Variants in MGAT4C observed in about 807,000 individuals in gnomAD.
MGAT4C encodes the protein alpha-1,3-mannosyl-glycoprotein 4-beta-N-acetylglucosaminyltransferase C.
Under a neutral mutation model 40.1 loss-of-function variants are expected in MGAT4C, and 19 were observed. The ratio of observed to expected loss-of-function variants is 0.47; its 90% CI spans 0.33 to 0.70. The LOEUF is 0.70. MGAT4C is among the 30% of genes least tolerant of loss of function. The probability of loss-of-function intolerance (pLI) is 0.02; values close to 1 mark genes in which losing one functional copy is unlikely to be tolerated. For synonymous variants in MGAT4C, 181 were observed against 187.1 expected, an observed-to-expected ratio of 0.97 and a Z score of 0.27; for missense variants, 491 against 563.2, an observed-to-expected ratio of 0.87 and a Z score of 1.30.
chr12:86,062,066 C>T (rs571579536), intron 1 of MGAT4C, among the ~76,000 whole-genome samples: 6 of 152,246 alleles, frequency 3.9e-5, no homozygotes, highest in South Asian at 2.1e-4. Context: ...CTGACCCCCA[C>T]GTATCCTGAC....
At chr12:86,389,511 G>T (rs1230836610) in intron 3 of MGAT4C, among the ~76,000 whole-genome samples, 2 of 152,118 alleles carry the variant, frequency 1.3e-5, no homozygotes, top group Admixed American at 1.3e-4. Context: ...ACATATGTGT[G>T]CATGAGTCTT....
intron 1 of MGAT4C, among the ~76,000 whole-genome samples, chr12:86,167,427 A>G (rs1026569204): frequency 1.3e-5 from 2 of 152,194 alleles, no homozygotes; most frequent in Non-Finnish European, 2.9e-5. Flanking sequence ...AACTAAATAG[A>G]GAAAGCTTAA....
intron 3 of MGAT4C, among the ~76,000 whole-genome samples, chr12:86,410,909 G>A (rs1956590600): frequency 6.6e-6 from 1 of 152,110 alleles, no homozygotes. Flanking sequence ...CACAACACCT[G>A]GTTGTTTAAA....
intron 1 of MGAT4C, among the ~76,000 whole-genome samples, chr12:86,238,703 G>A (rs1196639899): frequency 6.6e-6 from 1 of 151,914 alleles, no homozygotes; most frequent in Non-Finnish European, 1.5e-5. Context: ...TACTTTTTCA[G>A]TCACAAGAGA....
At chr12:85,986,248 A>G (rs1885186298) in intron 3 of MGAT4C, among the ~76,000 whole-genome samples, 1 of 152,170 alleles carries the variant, frequency 6.6e-6, no homozygotes. Flanking sequence ...TTCTGTAGCT[A>G]CTATGCTGTA....
intron 1 of MGAT4C, among the ~76,000 whole-genome samples, chr12:86,077,731 T>C (rs974676325): frequency 2.0e-5 from 3 of 152,208 alleles, no homozygotes; most frequent in Admixed American, 6.5e-5. Flanking sequence ...GCTGTTGTAG[T>C]TTCCCATTGA....
rs77830545 is a variant in MGAT4C, at chr12:86,554,181, C to T, written c.-228-118916G>A. On this transcript the variant is annotated intron_variant, in intron 2 of 7. Transcript: ENST00000548651. ...ACACGTGTTCAGGCACTCTCATGTCCCTTTCTGTTAAGTATTTACATTTCT... is the reference window on the plus strand; with the variant it reads ...ACACGTGTTCAGGCACTCTCATGTCTCTTTCTGTTAAGTATTTACATTTCT... Among the ~76,000 whole-genome samples, 48 of 151,448 alleles carry T rather than the reference C, an allele frequency of 3.2e-4. 1 individual carries two copies. Among genetic ancestry groups the T allele is most frequent in the African/African-American group, 8.2e-4 (34 of 41,286 alleles).
intron 1 of MGAT4C, among the ~76,000 whole-genome samples, chr12:86,748,774 A>G (rs970007274): frequency 6.6e-6 from 1 of 151,664 alleles, no homozygotes; most frequent in Non-Finnish European, 1.5e-5. Context: ...AACATTTACA[A>G]AGCCATATCT....
chr12:86,220,769 T>C (rs927159040), intron 1 of MGAT4C, among the ~76,000 whole-genome samples: 12 of 152,216 alleles, frequency 7.9e-5, no homozygotes, highest in African/African-American at 2.9e-4. Context: ...CCATAACCAA[T>C]TGGAAACTGA....
intron 2 of MGAT4C, among the ~76,000 whole-genome samples, chr12:86,697,872 T>C (rs1187140020): frequency 1.3e-5 from 2 of 152,078 alleles, no homozygotes; most frequent in African/African-American, 4.8e-5. Context: ...ACTTATCACC[T>C]AAAATCACTT....
At chr12:86,767,834 T>G (rs1474512523) in intron 1 of MGAT4C, among the ~76,000 whole-genome samples, 1 of 152,130 alleles carries the variant, frequency 6.6e-6, no homozygotes, top group Non-Finnish European at 1.5e-5. Context: ...TGCTAAAAAC[T>G]CTCAGTAAAT....
chr12:86,066,003 G>A (rs1894503949), intron 1 of MGAT4C, among the ~76,000 whole-genome samples: 1 of 152,092 alleles, frequency 6.6e-6, no homozygotes, highest in Non-Finnish European at 1.5e-5. Context: ...AACTTACAAG[G>A]GATGTGAAAG....
chr12:86,451,550 G>A (rs1029858594), intron 2 of MGAT4C, among the ~76,000 whole-genome samples: 9 of 151,838 alleles, frequency 5.9e-5, no homozygotes, highest in African/African-American at 2.2e-4. Flanking sequence ...TTTGTACTTG[G>A]GATTCTTGTA....
At chr12:86,692,199 G>T (rs1950184313) in intron 2 of MGAT4C, among the ~76,000 whole-genome samples, 1 of 152,050 alleles carries the variant, frequency 6.6e-6, no homozygotes. Context: ...GAGAGAATGG[G>T]ACATAAGCAA....
intron 3 of MGAT4C, among the ~76,000 whole-genome samples, chr12:86,356,578 T>A (rs61950749): frequency 0.091 from 13,905 of 152,062 alleles, 797 homozygotes; most frequent in Middle Eastern, 0.22. Context: ...TAGCCAAGGG[T>A]AGCCGTGACA....
intron 3 of MGAT4C, among the ~76,000 whole-genome samples, chr12:86,361,349 A>G (rs1345448200): frequency 1.3e-5 from 2 of 152,250 alleles, no homozygotes; most frequent in African/African-American, 4.8e-5. Flanking sequence ...GATGGATTAA[A>G]GACTTAAATG....
chr12:86,805,993 A>G (rs1401353712), intron 1 of MGAT4C, among the ~76,000 whole-genome samples: 1 of 151,788 alleles, frequency 6.6e-6, no homozygotes, highest in East Asian at 1.9e-4. Context: ...TTTTTCATAA[A>G]TTTATTGGCC....
rs1021877873 is a variant in MGAT4C, at chr12:86,088,622, G to A, written c.-56-38899C>T. ...ATATACACAGAGCCAACAAGCATAT[G>A]GGAAAATGCTCAACATCCCTAAACA... On this transcript the variant is annotated intron_variant, in intron 1 of 4. Transcript: ENST00000611864. Among the ~76,000 whole-genome samples the A allele has an allele frequency of 2.6e-5, 4 of 152,084 alleles. No homozygotes were observed. The South Asian group carries it at 8.3e-4, about 32-fold the overall frequency.
In MGAT4C at chr12:86,834,637, C is replaced by CAT. The variant is rs398020454; in HGVS notation, c.-262+4028_-262+4029insAT. Among the ~76,000 whole-genome samples the CAT allele has an allele frequency of 3.7e-3, 552 of 149,936 alleles. 1 individual carries two copies. The highest frequency in any genetic ancestry group is 0.017 in the Middle Eastern group (5 of 292). On this transcript the variant is annotated intron_variant, in intron 1 of 7. Coordinates refer to the MGAT4C transcript ENST00000548651. ...CCACACACACACACACACACACACA[C>CAT]CCCTTTACAGATTAGGAAACACAGC...
Sources: allele counts gnomAD v4.1 joint callset (sites outside exome capture counted in the v4.1 genomes callset), GRCh38; gene constraint gnomAD v4.1.1; transcripts MANE v1.5; gene names NCBI Gene and HGNC (gene_info 2026-07-23, HGNC 2026-07-21).